Variants in NRG1 observed in about 807,000 individuals in gnomAD.
NRG1 encodes pro-neuregulin-1, membrane-bound isoform.
Under a neutral mutation model 63.8 loss-of-function variants are expected in NRG1, and 18 were observed. That is an observed-to-expected ratio of 0.28 (90% CI 0.19 to 0.42). The LOEUF (loss-of-function observed/expected upper bound fraction) is 0.42, where lower values mean the gene tolerates loss of function less well. Among genes scored for constraint, NRG1 ranks in the 10% least tolerant of loss-of-function variants. The pLI, the probability that NRG1 is intolerant of heterozygous loss-of-function variation, is 1.00. For missense variants in NRG1, 762 were observed against 814.7 expected, an observed-to-expected ratio of 0.94 and a Z score of 0.79; for synonymous variants, 302 against 301.3, an observed-to-expected ratio of 1.00 and a Z score of -0.02.
chr8:31,897,776 A>C (rs1160566659), intron 1 of NRG1, among the ~76,000 whole-genome samples: 1 of 151,906 alleles, frequency 6.6e-6, no homozygotes, highest in East Asian at 1.9e-4. Context: ...GCACTTTGGG[A>C]GGCTGAGGCG....
At chr8:32,464,650 A>T (rs1822833414) in intron 1 of NRG1, among the ~76,000 whole-genome samples, 1 of 152,082 alleles carries the variant, frequency 6.6e-6, no homozygotes, top group Admixed American at 6.5e-5. Flanking sequence ...ATTATATCTG[A>T]ATCTTCCCAG....
chr8:32,588,229 A>G (rs1841963343), intron 1 of NRG1, among the ~76,000 whole-genome samples: 1 of 152,144 alleles, frequency 6.6e-6, no homozygotes. Flanking sequence ...AGCCCTCTAC[A>G]TGTTTTTTAA....
At chr8:32,648,133 C>T (rs866144455) in intron 5 of NRG1, 1 of 1,614,180 alleles carries the variant, frequency 6.2e-7, no homozygotes, top group African/African-American at 1.3e-5. Context: ...TCGTCTGAGG[C>T]ATACACTTCA....
intron 6 of NRG1, among the ~76,000 whole-genome samples, chr8:32,738,509 A>G (rs1378955684): frequency 6.6e-6 from 1 of 152,172 alleles, no homozygotes; most frequent in Non-Finnish European, 1.5e-5. Context: ...TTGTTCTCAG[A>G]CATAAAATTC....
intron 1 of NRG1, among the ~76,000 whole-genome samples, chr8:31,776,409 G>A (rs1454057411): frequency 2.6e-5 from 4 of 152,154 alleles, no homozygotes; most frequent in Non-Finnish European, 5.9e-5. Flanking sequence ...TGCTGGAAAT[G>A]ATGGGAAAAA....
intron 1 of NRG1, among the ~76,000 whole-genome samples, chr8:31,872,542 TA>T (rs1314075514): frequency 1.3e-5 from 2 of 152,208 alleles, no homozygotes; most frequent in Non-Finnish European, 2.9e-5. Context: ...AAAAATGAGC[TA>T]TTTTTTTCTT....
chr8:31,991,546 T>C (rs1006414909), intron 1 of NRG1, among the ~76,000 whole-genome samples: 22 of 152,056 alleles, frequency 1.4e-4, no homozygotes, highest in African/African-American at 5.3e-4. Flanking sequence ...TGTTAATATA[T>C]TTGATATGAG....
rs559477102 is a variant in NRG1, at chr8:32,615,796, G to A, written c.452-1039G>A. ...TAAGATATAAGTGTATGTGTGTTGC[G>A]GAATGGTATGATCCTGGAGTCTAAG... On this transcript the variant is annotated intron_variant, in intron 4 of 11. Transcript: ENST00000356819. Among the ~76,000 whole-genome samples the A allele has an allele frequency of 6.1e-4, 93 of 151,830 alleles. No individual in the cohort carries two copies. In the South Asian group the frequency reaches 6.9e-3, roughly 11 times the overall value.
At chr8:31,653,268 C>T (rs958582590) in intron 1 of NRG1, among the ~76,000 whole-genome samples, 5 of 151,908 alleles carry the variant, frequency 3.3e-5, no homozygotes, top group African/African-American at 1.2e-4. Context: ...GTGGCAAGTA[C>T]TATGTCTTAC....
chr8:32,619,116 A>T lies in NRG1; in HGVS notation c.502+2231A>T, dbSNP rs183879791. Among the ~76,000 whole-genome samples, 78 of 152,236 alleles carry T rather than the reference A, an allele frequency of 5.1e-4. 1 individual carries two copies. The highest frequency in any genetic ancestry group is 1.8e-3 in the African/African-American group (74 of 41,558). On this transcript the variant is annotated intron_variant, in intron 5 of 11. Coordinates refer to ENST00000356819, the Ensembl canonical transcript of NRG1. ...GTAGTCCCACCTTCTTGGGAGGCTG[A>T]GGTGGGAGGATCACTTGAACTCAGG...
intron 1 of NRG1, among the ~76,000 whole-genome samples, chr8:32,448,067 G>C (rs1820495474): frequency 6.6e-6 from 1 of 152,094 alleles, no homozygotes; most frequent in Non-Finnish European, 1.5e-5. Context: ...TCCTAAGCTA[G>C]CTTAGTTATA....
chr8:32,220,401 G>A (rs1460169003), intron 1 of NRG1, among the ~76,000 whole-genome samples: 1 of 152,008 alleles, frequency 6.6e-6, no homozygotes, highest in Non-Finnish European at 1.5e-5. Flanking sequence ...CACCTTGACA[G>A]CCTGCATAAT....
At chr8:32,028,789 A>G in intron 1 of NRG1, among the ~76,000 whole-genome samples, 1 of 152,186 alleles carries the variant, frequency 6.6e-6, no homozygotes, top group African/African-American at 2.4e-5. Context: ...TTCTTCCTGC[A>G]GTGGAAAGGG....
chr8:31,824,864 A>C lies in NRG1; in HGVS notation c.37+185433A>C, dbSNP rs1824381384. ...TTAGGAAGATTGATTTGTTTAAAAAATCCACTTCTACACCACATAAGTAAT... is the reference window on the plus strand; with the variant it reads ...TTAGGAAGATTGATTTGTTTAAAAACTCCACTTCTACACCACATAAGTAAT... On this transcript the variant is annotated intron_variant, in intron 1 of 10. Transcript: ENST00000519301. Among the ~76,000 whole-genome samples the C allele has an allele frequency of 2.0e-5, 3 of 152,228 alleles. No homozygotes were observed. The South Asian group carries it at 6.2e-4, about 31-fold the overall frequency.
chr8:31,674,906 C>T (rs767288024), intron 1 of NRG1, among the ~76,000 whole-genome samples: 1 of 152,104 alleles, frequency 6.6e-6, no homozygotes, highest in Non-Finnish European at 1.5e-5. Flanking sequence ...TAGCACTATC[C>T]TTTCCTTACT....
chr8:32,737,821 C>T (rs529725831), intron 6 of NRG1, among the ~76,000 whole-genome samples: 5 of 151,670 alleles, frequency 3.3e-5, no homozygotes, highest in African/African-American at 4.8e-5. Context: ...GGATTACAGG[C>T]GCCCACCACC....
Position 31,924,869 on chromosome 8 carries a change from A to T in NRG1, c.37+285438A>T, listed in dbSNP as rs1189524319. On this transcript the variant is annotated intron_variant, in intron 1 of 10. Coordinates refer to the NRG1 transcript ENST00000519301. ...TTTTTCTTTAATCCAGGGGTTATTTAAAAAATATGTTGCTTAAATTTAAAT... is the reference window on the plus strand; with the variant it reads ...TTTTTCTTTAATCCAGGGGTTATTTTAAAAATATGTTGCTTAAATTTAAAT... Among the ~76,000 whole-genome samples the T allele has an allele frequency of 3.3e-5, 5 of 151,764 alleles. No homozygotes were observed. In the East Asian group the frequency reaches 9.6e-4, roughly 29 times the overall value.
chr8:32,735,674 A>G (rs16879895), intron 6 of NRG1, among the ~76,000 whole-genome samples: 7,181 of 152,258 alleles, frequency 0.047, 212 homozygotes, highest in Middle Eastern at 0.095. Flanking sequence ...CCCACATCCA[A>G]TGAAATTGTT....
rs376733799 is a variant in NRG1, at chr8:31,640,814, C to G, written c.37+1383C>G. 9.8e-6 allele frequency: 14 copies of G among 1,427,920 alleles called. No individual in the cohort carries two copies. Among genetic ancestry groups the G allele is most frequent in the Non-Finnish European group, 1.3e-5 (14 of 1,092,566 alleles). The allele number at this position is 1,427,920 out of a possible 1,614,324, so 88.5% of individuals were successfully genotyped here. ...CGGGCAGCGGGGCTCGACGGCCGCC[C>G]GAGCAAGGCAGAGGCGCTCTGGGTC... is the stretch of plus-strand genomic sequence containing the variant. On this transcript the variant is annotated intron_variant, in intron 1 of 10. Coordinates refer to the NRG1 transcript ENST00000519301. The surrounding 1 kb of genome is among the most constrained non-coding windows in gnomAD (Gnocchi z 6.3).
Sources: gnomAD v4.1 joint callset for allele counts (sites outside exome capture counted in the v4.1 genomes callset) on GRCh38, gnomAD v4.1.1 for gene constraint, Gnocchi (gnomAD v3.1) non-coding constraint, MANE v1.5 for transcripts, NCBI Gene and HGNC (gene_info 2026-07-23, HGNC 2026-07-21) for gene names.